TUSC3: variants seen among roughly 807,000 people sequenced by gnomAD.
TUSC3 encodes dolichyl-diphosphooligosaccharide--protein glycosyltransferase subunit TUSC3.
TUSC3 carries 45 observed loss-of-function variants against 44.8 expected under a neutral mutation model. The ratio of observed to expected loss-of-function variants is 1.00; its 90% CI spans 0.79 to 1.29. The LOEUF is 1.29. TUSC3 is among the 50% of genes most tolerant of loss of function. The probability of loss-of-function intolerance (pLI) is 0.00; values close to 1 mark genes in which losing one functional copy is unlikely to be tolerated. For missense variants in TUSC3, 519 were observed against 437.9 expected, an observed-to-expected ratio of 1.19 and a Z score of -1.65; for synonymous variants, 212 against 152.9, an observed-to-expected ratio of 1.39 and a Z score of -2.85.
At chr8:15,647,385 T>C (rs1420323843) in intron 2 of TUSC3, among the ~76,000 whole-genome samples, 3 of 152,192 alleles carry the variant, frequency 2.0e-5, no homozygotes, top group South Asian at 2.1e-4. Context: ...TTGTCTCTTA[T>C]GTTCATTTTT....
intron 1 of TUSC3, among the ~76,000 whole-genome samples, chr8:15,432,958 C>G (rs10283334): frequency 0.16 from 24,673 of 152,050 alleles, 2,077 homozygotes; most frequent in Middle Eastern, 0.23. Flanking sequence ...GAATGCTTTG[C>G]TATATTTCAA....
intron 6 of TUSC3, among the ~76,000 whole-genome samples, chr8:15,685,276 C>T (rs35103268): frequency 0.21 from 31,779 of 151,978 alleles, 4,250 homozygotes; most frequent in Non-Finnish European, 0.3. Flanking sequence ...TCACCGCTTC[C>T]TCAGGTCTGG....
the TUSC3 span, among the ~76,000 whole-genome samples, chr8:15,820,657 GT>G: frequency 5.9e-5 from 9 of 152,028 alleles, no homozygotes; most frequent in Non-Finnish European, 1.5e-5. Flanking sequence ...TCTGATTTCG[GT>G]ATTGGCATTA....
chr8:15,530,842 G>C (rs58053202), intron 2 of TUSC3, among the ~76,000 whole-genome samples: 2 of 152,084 alleles, frequency 1.3e-5, no homozygotes, highest in Non-Finnish European at 1.5e-5. Flanking sequence ...AATAAAGATG[G>C]TTATGCCCAA....
chr8:15,626,110 C>G (rs950161067), intron 2 of TUSC3, among the ~76,000 whole-genome samples: 2 of 152,148 alleles, frequency 1.3e-5, no homozygotes, highest in African/African-American at 4.8e-5. Context: ...CACCGTGCCC[C>G]CTGTGCCCTG....
intron 1 of TUSC3, among the ~76,000 whole-genome samples, chr8:15,438,347 C>A (rs1424560958): frequency 6.6e-6 from 1 of 152,172 alleles, no homozygotes. Context: ...CCGCCTGCCT[C>A]GGCCCCCCAA....
intron 6 of TUSC3, among the ~76,000 whole-genome samples, chr8:15,699,396 C>T (rs1320404207): frequency 6.6e-6 from 1 of 152,264 alleles, no homozygotes; most frequent in Middle Eastern, 3.4e-3. Flanking sequence ...CTGTTTCTTG[C>T]TCTGTCTGTA....
chr8:15,743,219 T>A (rs571523768), intron 7 of TUSC3, among the ~76,000 whole-genome samples: 1 of 152,342 alleles, frequency 6.6e-6, no homozygotes, highest in East Asian at 1.9e-4. Context: ...GTGCATATCT[T>A]TATGTATAAT....
chr8:15,470,276 G>C lies in TUSC3; in HGVS notation n.92-13110G>C, dbSNP rs73191183. On this transcript the variant is annotated intron_variant and non_coding_transcript_variant, in intron 1 of 5. Coordinates refer to the TUSC3 transcript ENST00000503191. ...CCTGTCTCAAAAAAAAAAAAAAAAA[G>C]CATTGGTTGCCAAGGGTTCAAGGAG... 6.7e-5 allele frequency among the ~76,000 whole-genome samples: 9 copies of C among 135,248 alleles called. 1 individual carries two copies. The highest frequency in any genetic ancestry group is 2.4e-4 in the African/African-American group (9 of 36,784). The allele number at this position is 135,248 out of a possible 152,430, so 88.7% of individuals were successfully genotyped here.
intron 2 of TUSC3, among the ~76,000 whole-genome samples, chr8:15,646,063 G>C (rs1806614254): frequency 6.6e-6 from 1 of 152,062 alleles, no homozygotes; most frequent in African/African-American, 2.4e-5. Flanking sequence ...TATGTAATAA[G>C]AACAGCTATG....
intron 1 of TUSC3, among the ~76,000 whole-genome samples, chr8:15,471,235 G>A (rs1800489717): frequency 6.6e-6 from 1 of 152,102 alleles, no homozygotes; most frequent in Admixed American, 6.5e-5. Flanking sequence ...TGTCTGTATA[G>A]CTCATGTTTA....
chr8:15,683,509 C>T lies in TUSC3; in HGVS notation c.798+9673C>T, dbSNP rs1808506597. Among the ~76,000 whole-genome samples, 3 of 151,936 alleles carry T rather than the reference C, an allele frequency of 2.0e-5. No homozygotes were observed. The South Asian group carries it at 6.2e-4, about 32-fold the overall frequency. On this transcript the variant is annotated intron_variant, in intron 6 of 10. Coordinates refer to ENST00000503731, the MANE Select transcript of TUSC3 (RefSeq NM_006765.4). ...TTCCAGAAGTTTAGTTTGTTTCTTT[C>T]TTACTATATCTTTGTTGTATTTCAA...
chr8:15,461,008 C>T (rs61276121), intron 1 of TUSC3, among the ~76,000 whole-genome samples: 5,515 of 152,142 alleles, frequency 0.036, 191 homozygotes, highest in Middle Eastern at 0.099. Flanking sequence ...TTTGGCTGTG[C>T]AGGATCTTTT....
At chr8:15,587,685 A>G (rs7826164) in intron 1 of TUSC3, among the ~76,000 whole-genome samples, 1 of 151,814 alleles carries the variant, frequency 6.6e-6, no homozygotes. Flanking sequence ...ATCTGGCTGT[A>G]ATTTTGTATG....
intron 1 of TUSC3, among the ~76,000 whole-genome samples, chr8:15,543,725 G>A (rs1461608188): frequency 3.3e-5 from 5 of 150,892 alleles, no homozygotes; most frequent in Admixed American, 2.0e-4. Flanking sequence ...AATGCGGTAA[G>A]ATTTTTTTGA....
intron 7 of TUSC3, among the ~76,000 whole-genome samples, chr8:15,735,323 T>G (rs1052863557): frequency 6.6e-6 from 1 of 152,118 alleles, no homozygotes; most frequent in African/African-American, 2.4e-5. Context: ...CAAGTAAGGT[T>G]CAAGAACAGG....
At chr8:15,658,561 T>C (rs1241781754) in intron 3 of TUSC3, among the ~76,000 whole-genome samples, 1 of 151,988 alleles carries the variant, frequency 6.6e-6, no homozygotes, top group Non-Finnish European at 1.5e-5. Context: ...GAAAAATCTC[T>C]TGGCCTTTCA....
the TUSC3 span, among the ~76,000 whole-genome samples, chr8:15,845,184 C>T: frequency 1.3e-5 from 2 of 152,084 alleles, no homozygotes; most frequent in Admixed American, 6.6e-5. Flanking sequence ...TCGGATAAAG[C>T]GTTGCTGTAG....
chr8:15,659,322 A>C (rs1807315543), intron 3 of TUSC3, among the ~76,000 whole-genome samples, 185 bp from the exon 4 acceptor site: 1 of 152,156 alleles, frequency 6.6e-6, no homozygotes, highest in Admixed American at 6.6e-5. Flanking sequence ...ACTTAGTCAG[A>C]TTTACATGTT....
Sources: gnomAD v4.1 joint callset for allele counts (sites outside exome capture counted in the v4.1 genomes callset) on GRCh38, gnomAD v4.1.1 for gene constraint, MANE v1.5 for transcripts, NCBI Gene and HGNC (gene_info 2026-07-23, HGNC 2026-07-21) for gene names.